The following RPGRIP1L variants were observed in gnomAD, a reference collection of about 807,000 sequenced individuals.
RPGRIP1L encodes the protein protein fantom.
Under a neutral mutation model 160.4 loss-of-function variants are expected in RPGRIP1L, and 131 were observed. The observed-to-expected ratio is 0.82, with a 90% CI of 0.71 to 0.94. RPGRIP1L has a LOEUF of 0.94. Among genes scored for constraint, RPGRIP1L ranks in the 40% least tolerant of loss-of-function variants. The pLI is 0.00. For synonymous variants in RPGRIP1L, 510 were observed against 515.8 expected (o/e 0.99, Z 0.15); for missense variants, 1,522 against 1,535.8 (o/e 0.99, Z 0.15).
At chr16:53,666,592 GTATATATATATATA>G (rs71380041) in intron 9 of RPGRIP1L, among the ~76,000 whole-genome samples, 2 of 147,356 alleles carry the variant, frequency 1.4e-5, no homozygotes, top group African/African-American at 2.5e-5. Flanking sequence ...GTGTGTGTGT[GTATATATATATATA>G]TGTATGTATG....
At position 53,600,128 on chromosome 16, in the gene RPGRIP1L, C is replaced by T. The variant is rs1963316849; in HGVS notation, c.*1948G>A. On this transcript the variant is annotated 3_prime_UTR_variant, in exon 27 of 27. Transcript: ENST00000647211. ...TAGTTTGGGATGTAACATTTTACAA[C>T]AATAATACAAACCTCCTGGGAGAAT... The T allele has an allele frequency of 6.6e-6, 1 of 152,578 alleles. No individual in the cohort carries two copies. Among genetic ancestry groups the T allele is most frequent in the South Asian group, 2.1e-4 (1 of 4,834 alleles). The allele number at this position is 152,578 out of a possible 1,614,324, so 9.5% of individuals were successfully genotyped here.
At chr16:53,680,009 A>T (rs1217700908) in intron 6 of RPGRIP1L, among the ~76,000 whole-genome samples, 1 of 151,722 alleles carries the variant, frequency 6.6e-6, no homozygotes, top group Non-Finnish European at 1.5e-5. Context: ...AATTCTTCCC[A>T]CTCTTCTAAG....
chr16:53,677,574 T>C (rs1337857791), intron 6 of RPGRIP1L, among the ~76,000 whole-genome samples: 3 of 152,186 alleles, frequency 2.0e-5, no homozygotes, highest in Non-Finnish European at 4.4e-5. Flanking sequence ...CAATAAAAAT[T>C]ACTTCAAACC....
chr16:53,624,505 C>G (rs1441214479), intron 22 of RPGRIP1L, among the ~76,000 whole-genome samples: 2 of 151,372 alleles, frequency 1.3e-5, no homozygotes, highest in African/African-American at 4.9e-5. Flanking sequence ...GATTGCGCCA[C>G]TGCACTCCAG....
chr16:53,634,414 T>G (rs1965703704), intron 22 of RPGRIP1L, among the ~76,000 whole-genome samples: 1 of 152,202 alleles, frequency 6.6e-6, no homozygotes, highest in Admixed American at 6.5e-5. Context: ...AAATTTGGTA[T>G]ATAATTTACC....
intron 14 of RPGRIP1L, among the ~76,000 whole-genome samples, chr16:53,653,728 C>T (rs1421583849): frequency 6.6e-6 from 1 of 152,148 alleles, no homozygotes; most frequent in Non-Finnish European, 1.5e-5. Context: ...TCTTCGTCTG[C>T]TAGTTTTCTG....
intron 21 of RPGRIP1L, among the ~76,000 whole-genome samples, chr16:53,637,371 A>G (rs2092431802): frequency 1.3e-5 from 2 of 152,190 alleles, no homozygotes; most frequent in Admixed American, 1.3e-4. Flanking sequence ...TTCAATTTTT[A>G]AAAAGTCAAG....
At chr16:53,622,799 CCACA>C (rs201959082) in intron 22 of RPGRIP1L, among the ~76,000 whole-genome samples, 56,037 of 135,608 alleles carry the variant, frequency 0.41, 12,976 homozygotes, top group Middle Eastern at 0.57. Context: ...AAAACAAAAA[CCACA>C]CACACACACA....
At chr16:53,623,005 C>G (rs1190787094) in intron 22 of RPGRIP1L, among the ~76,000 whole-genome samples, 1 of 151,958 alleles carries the variant, frequency 6.6e-6, no homozygotes, top group Non-Finnish European at 1.5e-5. Context: ...GAGACCCTGT[C>G]TCAAAACAAA....
intron 22 of RPGRIP1L, 106 bp from the exon 23 acceptor site, chr16:53,622,462 C>T (rs1051898649): frequency 9.7e-6 from 5 of 514,524 alleles, no homozygotes; most frequent in African/African-American, 8.9e-5. Context: ...CCTCTCCTCT[C>T]CCCCAATCCT....
chr16:53,683,924 C>T (rs1169626515), intron 6 of RPGRIP1L, among the ~76,000 whole-genome samples: 4 of 152,070 alleles, frequency 2.6e-5, no homozygotes, highest in African/African-American at 9.7e-5. Flanking sequence ...GAAGAACTGG[C>T]TAGCCATATG....
chr16:53,616,104 T>TA (rs1350884153), intron 24 of RPGRIP1L, among the ~76,000 whole-genome samples: 2 of 152,206 alleles, frequency 1.3e-5, no homozygotes, highest in Non-Finnish European at 2.9e-5. Flanking sequence ...CTAACCTCTC[T>TA]ACTGCATGCT....
chr16:53,618,180 C>T (rs1964494028), intron 24 of RPGRIP1L, among the ~76,000 whole-genome samples: 1 of 152,110 alleles, frequency 6.6e-6, no homozygotes, highest in South Asian at 2.1e-4. Context: ...AGACAGAAAA[C>T]CTGCCTGCTG....
chr16:53,636,844 A>AT (rs1965866346), intron 21 of RPGRIP1L, among the ~76,000 whole-genome samples: 1 of 152,054 alleles, frequency 6.6e-6, no homozygotes, highest in Admixed American at 6.5e-5. Context: ...ATGTAAGTCA[A>AT]TGCTATTCTT....
At chr16:53,636,572 G>T in intron 21 of RPGRIP1L, 60 bp from the exon 22 acceptor site, 1 of 1,147,610 alleles carries the variant, frequency 8.7e-7, no homozygotes, top group Non-Finnish European at 1.3e-6. Context: ...CTTATACCCT[G>T]TAAAATAAAG....
rs772520453 is a variant in RPGRIP1L, at chr16:53,675,045, A to G, written c.854T>C (p.Met285Thr). 48 of 1,609,262 alleles carry G rather than the reference A, an allele frequency of 3.0e-5. No individual in the cohort carries two copies. Among genetic ancestry groups the G allele is most frequent in the Non-Finnish European group, 3.7e-5 (44 of 1,177,150 alleles). ...TTGAAGCTGAATAAATTTTCCTTCC[A>G]TTGCTGAAAGAGCATTGCTTTTCTC... ...LVEKSNALSA[M>T]EGKFIQLQEK... The change falls in exon 7 of 27, where the codon ATG becomes ACG. Residue 285 changes from methionine (M) to threonine (T), a missense_variant. By Grantham distance (81) the Met-to-Thr change is moderately conservative. Coordinates refer to ENST00000647211, the MANE Select transcript of RPGRIP1L (RefSeq NM_015272.5).
chr16:53,613,767 C>T (rs1241789712), intron 24 of RPGRIP1L, among the ~76,000 whole-genome samples: 15 of 152,148 alleles, frequency 9.9e-5, no homozygotes, highest in Admixed American at 9.8e-4. Flanking sequence ...ATGATTGCCA[C>T]TATTTACTGG....
At position 53,679,875 on chromosome 16, in the gene RPGRIP1L, T is replaced by A. The variant is rs542561146; in HGVS notation, c.777-4753A>T. Among the ~76,000 whole-genome samples, 21 of 152,286 alleles carry A rather than the reference T, an allele frequency of 1.4e-4. No individual in the cohort carries two copies. The South Asian group carries it at 3.9e-3, about 29-fold the overall frequency. On this transcript the variant is annotated intron_variant, in intron 6 of 26. Transcript: ENST00000647211. ...TCATTTACCCATTTCAATCTAATCA[T>A]TTTACAGTTCAGGTGGTTAACTGAG...
At chr16:53,634,924 C>T (rs1424779305) in intron 22 of RPGRIP1L, among the ~76,000 whole-genome samples, 3 of 152,040 alleles carry the variant, frequency 2.0e-5, no homozygotes, top group Non-Finnish European at 2.9e-5. Flanking sequence ...TTTTTAAAGC[C>T]CATGGGAGCT....
Sources: allele counts gnomAD v4.1 joint callset (sites outside exome capture counted in the v4.1 genomes callset), GRCh38; gene constraint gnomAD v4.1.1; transcripts MANE v1.5; gene names NCBI Gene and HGNC (gene_info 2026-07-23, HGNC 2026-07-21).